SVEP1: variants seen among roughly 807,000 people sequenced by gnomAD.
The protein encoded by SVEP1 is sushi, von Willebrand factor type A, EGF and pentraxin domain containing 1, also known as sushi, von Willebrand factor type A, EGF and pentraxin domain-containing protein 1.
In SVEP1, 164 loss-of-function variants were observed where a neutral mutation model predicts 367.3. The observed-to-expected ratio is 0.45, with a 90% CI of 0.39 to 0.51. SVEP1 has a LOEUF of 0.51. Ranked by LOEUF, SVEP1 falls within the 20% of genes least tolerant of loss-of-function variation. SVEP1 has a pLI of 0.00. For missense variants in SVEP1, 4,117 were observed against 4,425.3 expected (o/e 0.93, Z 1.98); for synonymous variants, 1,666 against 1,611.6 (o/e 1.03, Z -0.81).
intron 6 of SVEP1, among the ~76,000 whole-genome samples, chr9:110,500,635 G>A (rs1829516860): frequency 6.6e-6 from 1 of 152,062 alleles, no homozygotes; most frequent in Admixed American, 6.6e-5. Flanking sequence ...TGTTCAGTGT[G>A]AATTGAAAAC....
intron 36 of SVEP1, 105 bp downstream of exon 36, chr9:110,427,486 G>T: frequency 7.4e-7 from 1 of 1,357,768 alleles, no homozygotes; most frequent in East Asian, 2.3e-5. Context: ...TTTGTCTTTG[G>T]CTGCCAGGAA....
chr9:110,508,132 C>T (rs1266800178), intron 5 of SVEP1, among the ~76,000 whole-genome samples: 9 of 152,210 alleles, frequency 5.9e-5, no homozygotes, highest in Admixed American at 2.0e-4. Flanking sequence ...GCCGAAAAAT[C>T]CTGCAATTAA....
intron 3 of SVEP1, among the ~76,000 whole-genome samples, chr9:110,519,737 C>T (rs1055126535): frequency 7.2e-5 from 11 of 152,040 alleles, no homozygotes; most frequent in African/African-American, 2.7e-4. Flanking sequence ...GTTTGGTGTG[C>T]AAGGAGAGTA....
At chr9:110,536,212 T>C (rs1588097136) in intron 3 of SVEP1, among the ~76,000 whole-genome samples, 1 of 152,212 alleles carries the variant, frequency 6.6e-6, no homozygotes, top group Middle Eastern at 3.4e-3. Flanking sequence ...GAGATAATCA[T>C]GTGGTTTTTG....
intron 1 of SVEP1, among the ~76,000 whole-genome samples, chr9:110,552,294 T>C (rs1291866652): frequency 6.6e-6 from 1 of 151,882 alleles, no homozygotes; most frequent in Non-Finnish European, 1.5e-5. Context: ...CCTCCCAAAG[T>C]GCTGGGATTA....
chr9:110,378,213 C>T (rs1225699887), intron 44 of SVEP1, among the ~76,000 whole-genome samples: 1 of 152,208 alleles, frequency 6.6e-6, no homozygotes, highest in Non-Finnish European at 1.5e-5. Context: ...ACACACACAA[C>T]ACTCATTCTG....
At chr9:110,504,844 A>G (rs962575907) in intron 5 of SVEP1, among the ~76,000 whole-genome samples, 1 of 152,144 alleles carries the variant, frequency 6.6e-6, no homozygotes. Flanking sequence ...TTTTTAGGGA[A>G]AGATCTTCCC....
chr9:110,565,429 C>T (rs999847899), intron 1 of SVEP1, among the ~76,000 whole-genome samples: 1 of 152,048 alleles, frequency 6.6e-6, no homozygotes, highest in Admixed American at 6.6e-5. Context: ...ATTAAAGGAA[C>T]CTAAGACTTC....
Position 110,408,698 on chromosome 9 carries a change from G to C in SVEP1, c.6902C>G (p.Ser2301Cys), listed in dbSNP as rs1371902108. Residue 2301 changes from serine to cysteine, a missense_variant, in exon 38 of 48, where the codon TCT becomes TGT. Ser to Cys is a moderately radical substitution (Grantham distance 112). Coordinates refer to ENST00000374469, the MANE Select transcript of SVEP1 (RefSeq NM_153366.4). ...TTTGCCAGATTTCTGACATGTCCAA[G>C]AACTGTCACCAACAAGCTCATAACC... Reference protein sequence around the residue: ...NEGYELVGDSSWTCQKSGKWN... With the variant: ...NEGYELVGDSCWTCQKSGKWN... The C allele has an allele frequency of 1.2e-6, 2 of 1,613,976 alleles. No homozygotes were observed. Among genetic ancestry groups the C allele is most frequent in the Admixed American group, 3.3e-5 (2 of 60,020 alleles).
intron 40 of SVEP1, among the ~76,000 whole-genome samples, chr9:110,397,113 A>T (rs1361992580): frequency 1.3e-5 from 2 of 152,222 alleles, no homozygotes; most frequent in African/African-American, 4.8e-5. Flanking sequence ...TGGCAAACCG[A>T]ATCCAGAAGC....
chr9:110,369,946 A>G lies in SVEP1; in HGVS notation c.10671T>C (p.Ser3557=). 1.2e-6 allele frequency: 2 copies of G among 1,613,304 alleles called. No homozygotes were observed. Among genetic ancestry groups the G allele is most frequent in the South Asian group, 2.2e-5 (2 of 91,004 alleles). ...ACCTGGAACAGTTATGTCCCGTCCA[A>G]GAAGAAAGACAGTGACATCGGTTTG... The part of the protein sequence containing the change: ...VRPNRCHCLS[S]WTGHNCSRKR... The change falls in exon 47 of 48, where the codon TCT becomes TCC. Residue 3557 remains serine, a synonymous_variant. Coordinates refer to ENST00000374469, the MANE Select transcript of SVEP1 (RefSeq NM_153366.4).
At chr9:110,528,383 T>C (rs1829973202) in intron 3 of SVEP1, among the ~76,000 whole-genome samples, 1 of 151,546 alleles carries the variant, frequency 6.6e-6, no homozygotes, top group South Asian at 2.1e-4. Flanking sequence ...TAAATCTCCA[T>C]ACTGTTTTCC....
At chr9:110,438,090 T>C (rs1266651603) in intron 27 of SVEP1, among the ~76,000 whole-genome samples, 42 of 151,924 alleles carry the variant, frequency 2.8e-4, no homozygotes, top group Non-Finnish European at 1.5e-5. Flanking sequence ...CTCAGTATCA[T>C]ACTATACAGA....
Position 110,454,651 on chromosome 9 carries a change from G to A in SVEP1, c.3787+939C>T, listed in dbSNP as rs570423316. Among the ~76,000 whole-genome samples the A allele has an allele frequency of 9.2e-5, 14 of 152,246 alleles. No individual in the cohort carries two copies. In the East Asian group the frequency reaches 9.6e-4, roughly 10 times the overall value. On this transcript the variant is annotated intron_variant, in intron 22 of 47. Coordinates refer to ENST00000374469, the MANE Select transcript of SVEP1 (RefSeq NM_153366.4). ...CATAAAAACTCCACAAAATCATGTCGTTTGCAGCAACATGGATGCAGCTGC... is the reference window on the plus strand; with the variant it reads ...CATAAAAACTCCACAAAATCATGTCATTTGCAGCAACATGGATGCAGCTGC...
rs912448644 is a variant in SVEP1 at position 110,450,236 on chromosome 9, T to C, written c.3926A>G (p.Asn1309Ser). 1.6e-5 allele frequency: 26 copies of C among 1,613,856 alleles called. No individual in the cohort carries two copies. Among genetic ancestry groups the C allele is most frequent in the African/African-American group, 4.0e-5 (3 of 75,024 alleles). ...FVGLHCETEV[N>S]ECQSNPCLNN... Reference sequence around the variant, plus strand: ...TAAGCATGGGTTTGACTGGCATTCATTGACTTCTGTTTCACAATGCAGGCC... The same window carrying C: ...TAAGCATGGGTTTGACTGGCATTCACTGACTTCTGTTTCACAATGCAGGCC... The change falls in exon 24 of 48, where the codon AAT (asparagine) becomes AGT (serine). Residue 1309 changes from asparagine (N) to serine (S), a missense_variant. Asn to Ser is a conservative substitution (Grantham distance 46). Transcript: ENST00000374469.
Position 110,424,654 on chromosome 9 carries a change from G to T in SVEP1, c.5975+2937C>A, listed in dbSNP as rs1303674033. On this transcript the variant is annotated intron_variant, in intron 36 of 47. Coordinates refer to ENST00000374469, the MANE Select transcript of SVEP1 (RefSeq NM_153366.4). ...ATACATGGGTGATTTTAAATAGAGAGAATTTTATTTTTTGGCATTTTTGTT... is the reference window on the plus strand; with the variant it reads ...ATACATGGGTGATTTTAAATAGAGATAATTTTATTTTTTGGCATTTTTGTT... 2.6e-5 allele frequency among the ~76,000 whole-genome samples: 4 copies of T among 152,048 alleles called. No homozygotes were observed. In the East Asian group the frequency reaches 7.7e-4, roughly 29 times the overall value.
intron 38 of SVEP1, among the ~76,000 whole-genome samples, chr9:110,405,153 T>G (rs1369216476): frequency 1.3e-5 from 2 of 152,222 alleles, no homozygotes; most frequent in Admixed American, 1.3e-4. Flanking sequence ...GATATTATTA[T>G]TATTGAATTC....
intron 42 of SVEP1, among the ~76,000 whole-genome samples, chr9:110,386,837 T>C (rs909093194): frequency 1.3e-5 from 2 of 152,268 alleles, no homozygotes; most frequent in Admixed American, 6.5e-5. Flanking sequence ...AACTTCTACG[T>C]TGCTTGTGAA....
At chr9:110,544,901 C>T (rs1830199007) in intron 3 of SVEP1, among the ~76,000 whole-genome samples, 1 of 152,040 alleles carries the variant, frequency 6.6e-6, no homozygotes, top group Non-Finnish European at 1.5e-5. Context: ...ATCTGTTACC[C>T]AACTTCTCTT....
Sources: allele counts gnomAD v4.1 joint callset (sites outside exome capture counted in the v4.1 genomes callset), GRCh38; gene constraint gnomAD v4.1.1; transcripts MANE v1.5; gene names NCBI Gene and HGNC (gene_info 2026-07-23, HGNC 2026-07-21).